Variants in TBC1D32 observed in about 807,000 individuals in gnomAD.
TBC1D32 encodes protein broad-minded.
TBC1D32 carries 151 observed loss-of-function variants against 170.3 expected under a neutral mutation model. That is an observed-to-expected ratio of 0.89 (90% confidence interval 0.78 to 1.01). The LOEUF (loss-of-function observed/expected upper bound fraction) is 1.01. TBC1D32 is among the 50% of genes least tolerant of loss of function. The pLI is 0.00. For missense variants in TBC1D32, 1,464 were observed against 1,457.1 expected (o/e 1.00, Z -0.08); for synonymous variants, 498 against 488.0 (o/e 1.02, Z -0.27).
chr6:121,178,646 G>C (rs540351217), intron 22 of TBC1D32, among the ~76,000 whole-genome samples: 2 of 152,202 alleles, frequency 1.3e-5, no homozygotes, highest in East Asian at 3.9e-4. Flanking sequence ...CCTGAGTGTA[G>C]GCAGGTCCTA....
At chr6:121,298,055 T>C (rs17083385) in intron 10 of TBC1D32, among the ~76,000 whole-genome samples, 3,634 of 152,164 alleles carry the variant, frequency 0.024, 160 homozygotes, top group East Asian at 0.12. Flanking sequence ...ATTTGACCCT[T>C]GATTCTGAAA....
At chr6:121,293,898 G>A (rs548572227) in intron 11 of TBC1D32, among the ~76,000 whole-genome samples, 28 of 152,170 alleles carry the variant, frequency 1.8e-4, no homozygotes, top group African/African-American at 6.0e-4. Flanking sequence ...GTGATACAGC[G>A]AGACTCTGTC....
intron 24 of TBC1D32, among the ~76,000 whole-genome samples, chr6:121,145,725 C>T (rs1298087542): frequency 1.3e-5 from 2 of 151,994 alleles, no homozygotes; most frequent in Admixed American, 6.6e-5. Flanking sequence ...ATATAGAATG[C>T]TTATCAATTA....
intron 22 of TBC1D32, among the ~76,000 whole-genome samples, chr6:121,180,179 G>C (rs1788324100): frequency 6.6e-6 from 1 of 152,044 alleles, no homozygotes; most frequent in African/African-American, 2.4e-5. Context: ...TTGATCTCTA[G>C]ACTCAATACA....
intron 13 of TBC1D32, 50 bp from the exon 14 acceptor site, chr6:121,281,736 C>G: frequency 7.0e-7 from 1 of 1,418,874 alleles, no homozygotes; most frequent in Non-Finnish European, 9.5e-7. Flanking sequence ...ATACTTAGAA[C>G]TATTTTATGT....
chr6:121,089,999 T>C (rs1776645199), intron 31 of TBC1D32, among the ~76,000 whole-genome samples: 1 of 151,652 alleles, frequency 6.6e-6, no homozygotes, highest in Non-Finnish European at 1.5e-5. Flanking sequence ...AGTGGTGCGA[T>C]CTCGGCTCAT....
intron 9 of TBC1D32, among the ~76,000 whole-genome samples, chr6:121,300,234 G>A (rs554144283): frequency 3.0e-4 from 46 of 152,192 alleles, no homozygotes; most frequent in African/African-American, 8.4e-4. Flanking sequence ...ACGAGGTCAG[G>A]AGTTCGAGTA....
intron 30 of TBC1D32, among the ~76,000 whole-genome samples, chr6:121,093,570 G>C: frequency 6.6e-6 from 1 of 152,160 alleles, no homozygotes; most frequent in Non-Finnish European, 1.5e-5. Flanking sequence ...GTTAGTTTCA[G>C]GAGTGAATGG....
intron 20 of TBC1D32, chr6:121,236,948 A>G (rs908651181): frequency 1.3e-5 from 2 of 152,076 alleles, no homozygotes; most frequent in Non-Finnish European, 2.9e-5. Context: ...AAGGAAAAAT[A>G]ATAGGCTTCT....
At chr6:121,172,713 A>T (rs1178330126) in intron 22 of TBC1D32, among the ~76,000 whole-genome samples, 1 of 152,236 alleles carries the variant, frequency 6.6e-6, no homozygotes, top group Non-Finnish European at 1.5e-5. Flanking sequence ...TGTTAAGAAC[A>T]TGCTTGTGCA....
intron 31 of TBC1D32, among the ~76,000 whole-genome samples, chr6:121,089,936 C>CT (rs778272700): frequency 0.052 from 7,238 of 138,670 alleles, 296 homozygotes; most frequent in East Asian, 0.13. Flanking sequence ...TTCAAAGATT[C>CT]TTTTTTTTTT....
At chr6:121,197,154 C>G (rs1427007890) in intron 22 of TBC1D32, among the ~76,000 whole-genome samples, 1 of 152,182 alleles carries the variant, frequency 6.6e-6, no homozygotes, top group East Asian at 1.9e-4. Flanking sequence ...CGAAATCAGT[C>G]TACTACTCCA....
intron 22 of TBC1D32, among the ~76,000 whole-genome samples, chr6:121,177,259 G>T (rs1787896367): frequency 6.6e-6 from 1 of 152,088 alleles, no homozygotes; most frequent in South Asian, 2.1e-4. Flanking sequence ...TCCCCTTGGT[G>T]CTGTTCTCAT....
At chr6:121,154,079 T>A (rs1784556026) in intron 24 of TBC1D32, among the ~76,000 whole-genome samples, 1 of 150,800 alleles carries the variant, frequency 6.6e-6, no homozygotes, top group Non-Finnish European at 1.5e-5. Context: ...GCTTGGTGTC[T>A]GTCCAAATGG....
At chr6:121,123,239 TA>T (rs1780464835) in intron 26 of TBC1D32, among the ~76,000 whole-genome samples, 1 of 152,118 alleles carries the variant, frequency 6.6e-6, no homozygotes, top group Admixed American at 6.6e-5. Flanking sequence ...AGTTTTTTAT[TA>T]TAAATGATGT....
intron 22 of TBC1D32, among the ~76,000 whole-genome samples, chr6:121,197,361 C>A (rs935454593): frequency 6.6e-6 from 1 of 152,140 alleles, no homozygotes; most frequent in Non-Finnish European, 1.5e-5. Context: ...TCCTGAGGTA[C>A]TGAAGGCAAA....
chr6:121,131,547 T>A, intron 25 of TBC1D32, 80 bp downstream of exon 25: 1 of 1,440,346 alleles, frequency 6.9e-7, no homozygotes, highest in South Asian at 1.3e-5. Flanking sequence ...CATATGCCAA[T>A]ACTAATCTTT....
intron 2 of TBC1D32, among the ~76,000 whole-genome samples, chr6:121,319,471 T>A (rs11154014): frequency 0.64 from 97,961 of 152,078 alleles, 37,037 homozygotes; most frequent in Non-Finnish European, 0.84. Flanking sequence ...CCACAGTGAT[T>A]GAATTCTAGC....
intron 22 of TBC1D32, among the ~76,000 whole-genome samples, chr6:121,204,756 A>T (rs1792015346): frequency 6.8e-6 from 1 of 147,540 alleles, no homozygotes; most frequent in Non-Finnish European, 1.5e-5. Flanking sequence ...TGTGACAAGA[A>T]TCTAACCAAA....
Sources: allele counts gnomAD v4.1 joint callset (sites outside exome capture counted in the v4.1 genomes callset), GRCh38; gene constraint gnomAD v4.1.1; transcripts MANE v1.5; gene names NCBI Gene and HGNC (gene_info 2026-07-23, HGNC 2026-07-21).